Variants in COL3A1 observed in about 807,000 individuals in gnomAD.
The protein encoded by COL3A1 is collagen type III alpha 1 chain.
A neutral mutation model predicts 200.9 loss-of-function variants in COL3A1; 46 were observed. That is an observed-to-expected ratio of 0.23 (90% CI 0.18 to 0.29). COL3A1 has a LOEUF of 0.29. COL3A1 is among the 10% of genes least tolerant of loss of function. COL3A1 has a pLI of 1.00. For missense variants in COL3A1, 1,367 were observed against 1,917.6 expected (o/e 0.71, Z 5.36); for synonymous variants, 650 against 628.0 (o/e 1.03, Z -0.52).
At chr2:188,997,079 AT>A (rs370990033) in intron 24 of COL3A1, 85 bp from the exon 25 acceptor site, 2 of 881,574 alleles carry the variant, frequency 2.3e-6, no homozygotes, top group East Asian at 2.5e-5. Flanking sequence ...TGAGACATAT[AT>A]ATATGAGACA....
intron 44 of COL3A1, among the ~76,000 whole-genome samples, 157 bp from the exon 45 acceptor site, chr2:189,007,343 A>G (rs1275789392): frequency 6.6e-6 from 1 of 151,848 alleles, no homozygotes; most frequent in Non-Finnish European, 1.5e-5. Context: ...GAAAACAACC[A>G]CAGAAACAAA....
At position 189,005,205 on chromosome 2, in the gene COL3A1, C is replaced by T. The variant is rs961401802; in HGVS notation, c.2932-145C>T. On this transcript the variant is annotated intron_variant, in intron 40 of 50. Transcript: ENST00000304636. ...AGAAGCTTGCTCCCCCATATTTTTT[C>T]CCATAGCAGGCATAGTTTTAATTTT... 8.0e-6 allele frequency: 6 copies of T among 752,540 alleles called. No homozygotes were observed. The African/African-American group carries it at 8.9e-5, about 11-fold the overall frequency. The allele number at this position is 752,540 out of a possible 1,614,324, so 46.6% of individuals were successfully genotyped here.
chr2:188,996,597 G>A (rs1321175921), intron 24 of COL3A1, 101 bp downstream of exon 24: 2 of 920,652 alleles, frequency 2.2e-6, no homozygotes, highest in African/African-American at 3.3e-5. Context: ...CCTCTTCAAA[G>A]CATGGAGGAG....
intron 47 of COL3A1, 24 bp downstream of exon 47, chr2:189,008,166 T>C: frequency 6.4e-7 from 1 of 1,574,724 alleles, no homozygotes; most frequent in Non-Finnish European, 8.7e-7. Flanking sequence ...TATACGTATG[T>C]GTATTTAATT....
intron 42 of COL3A1, 27 bp from the exon 43 acceptor site, chr2:189,006,318 A>AT (rs770557450): frequency 4.3e-6 from 7 of 1,614,134 alleles, no homozygotes; most frequent in African/African-American, 4.0e-5. Flanking sequence ...CATCATGTTT[A>AT]TTTTGTACCT....
chr2:188,996,614 A>G (rs1390539762), intron 24 of COL3A1, 118 bp downstream of exon 24: 2 of 824,054 alleles, frequency 2.4e-6, no homozygotes, highest in Non-Finnish European at 4.0e-6. Flanking sequence ...GGAGTATATG[A>G]AAATCAAATT....
chr2:188,979,517 C>T (rs573311832), intron 1 of COL3A1, among the ~76,000 whole-genome samples: 2 of 151,898 alleles, frequency 1.3e-5, no homozygotes, highest in South Asian at 2.1e-4. Context: ...GTTTCTGAGT[C>T]ACACATTTAT....
intron 5 of COL3A1, 84 bp from the exon 6 acceptor site, chr2:188,987,997 A>G: frequency 9.8e-7 from 1 of 1,016,142 alleles, no homozygotes; most frequent in African/African-American, 1.6e-5. Context: ...TAGTTTTAAC[A>G]ATGCGAGTGT....
intron 1 of COL3A1, among the ~76,000 whole-genome samples, chr2:188,980,182 T>A (rs1687919915): frequency 6.6e-6 from 1 of 151,584 alleles, no homozygotes; most frequent in South Asian, 2.1e-4. Flanking sequence ...ATAAGACAAG[T>A]AGAATATATT....
chr2:188,984,676 A>G (rs1018679968), intron 1 of COL3A1, 84 bp from the exon 2 acceptor site: 1 of 1,185,224 alleles, frequency 8.4e-7, no homozygotes, highest in Admixed American at 1.7e-5. Flanking sequence ...AACTTTGGCT[A>G]TTGTTAATAG....
intron 24 of COL3A1, 151 bp from the exon 25 acceptor site, chr2:188,997,014 T>TATATATATGAGAC (rs1688339486): frequency 1.4e-5 from 8 of 577,692 alleles, no homozygotes; most frequent in East Asian, 1.4e-4. Context: ...TGTGTGTGTA[T>TATATATATGAGAC]ATATATATAT....
chr2:189,011,009 A>G (rs1688713221), intron 50 of COL3A1, 119 bp downstream of exon 50: 11 of 1,309,892 alleles, frequency 8.4e-6, no homozygotes, highest in Admixed American at 1.7e-5. Context: ...AGCATTTGGT[A>G]TGAATTACAT....
At chr2:188,985,876 G>C in intron 4 of COL3A1, 98 bp downstream of exon 4, 1 of 813,442 alleles carries the variant, frequency 1.2e-6, no homozygotes, top group East Asian at 2.6e-5. Flanking sequence ...TGAGTTCTTT[G>C]TATCTGTTCT....
At chr2:188,989,303 G>C in intron 7 of COL3A1, 93 bp from the exon 8 acceptor site, 1 of 855,802 alleles carries the variant, frequency 1.2e-6, no homozygotes, top group Non-Finnish European at 1.9e-6. Flanking sequence ...TTTTCTAAAA[G>C]GAGGTTCCTT....
intron 29 of COL3A1, 68 bp from the exon 30 acceptor site, chr2:188,999,217 G>T (rs546275039): frequency 7.2e-7 from 1 of 1,393,168 alleles, no homozygotes; most frequent in Admixed American, 2.0e-5. Context: ...TCAAAATGAT[G>T]CAAGTTAAGG....
Position 188,996,110 on chromosome 2 carries a change from A to G in COL3A1, c.1609-15A>G. On this transcript the variant is annotated splice_polypyrimidine_tract_variant and intron_variant, in intron 22 of 50. Transcript: ENST00000304636. ...TTCATTTTAAATCACCTAACAACTG[A>G]CTTCTTTACTTCAGGGCATGCCCGG... 6.2e-7 allele frequency: 1 copy of G among 1,612,702 alleles called. No homozygotes were observed. Among genetic ancestry groups the G allele is most frequent in the Non-Finnish European group, 8.5e-7 (1 of 1,179,046 alleles).
Position 188,993,473 on chromosome 2 carries a change from T to A in COL3A1, c.1149+14T>A. The A allele has an allele frequency of 6.5e-7, 1 of 1,538,122 alleles. No homozygotes were observed. Among genetic ancestry groups the A allele is most frequent in the Non-Finnish European group, 8.8e-7 (1 of 1,135,714 alleles). ...CAAGGTCCTCCTGTAAGTATCATAG[T>A]TGAGAGGGAGTAAGCATAGTTTCAT... On this transcript the variant is annotated intron_variant, in intron 16 of 50. Coordinates refer to ENST00000304636, the MANE Select transcript of COL3A1 (RefSeq NM_000090.4).
Position 189,002,684 on chromosome 2 carries a change from T to C in COL3A1, c.2446-271T>C, listed in dbSNP as rs972166692. ...TCCGGTCTTTCTCAAAAAAATTTAC[T>C]GGTGCTGATTTTCAAATGTTTAATC... On this transcript the variant is annotated intron_variant, in intron 35 of 50. Coordinates refer to ENST00000304636, the MANE Select transcript of COL3A1 (RefSeq NM_000090.4). Among the ~76,000 whole-genome samples, 5 of 152,222 alleles carry C rather than the reference T, an allele frequency of 3.3e-5. No homozygotes were observed. The East Asian group carries it at 7.7e-4, about 23-fold the overall frequency.
At chr2:189,001,196 T>TTA (rs1688452449) in intron 32 of COL3A1, among the ~76,000 whole-genome samples, 1 of 152,150 alleles carries the variant, frequency 6.6e-6, no homozygotes, top group South Asian at 2.1e-4. Context: ...TCTCCCAGAG[T>TTA]TATCCCCAAA....
Sources: allele counts gnomAD v4.1 joint callset (sites outside exome capture counted in the v4.1 genomes callset), GRCh38; gene constraint gnomAD v4.1.1; transcripts MANE v1.5; gene names NCBI Gene and HGNC (gene_info 2026-07-23, HGNC 2026-07-21).